The following TEX9 variants were observed in gnomAD, a reference collection of about 807,000 sequenced individuals.
TEX9 encodes testis expressed 9, also known as testis-expressed protein 9.
Under a neutral mutation model 59.6 loss-of-function variants are expected in TEX9, and 74 were observed. The ratio of observed to expected loss-of-function variants is 1.24; its 90% confidence interval spans 1.03 to 1.51. TEX9 has a LOEUF of 1.51. Among genes scored for constraint, TEX9 ranks in the 40% most tolerant of loss-of-function variants. TEX9 has a pLI of 0.00. For synonymous variants in TEX9, 186 were observed against 152.2 expected (o/e 1.22, Z -1.64); for missense variants, 522 against 447.8 (o/e 1.17, Z -1.49).
chr15:56,269,549 T>C (rs1056862962), intron 1 of TEX9, among the ~76,000 whole-genome samples: 5 of 152,208 alleles, frequency 3.3e-5, no homozygotes, highest in African/African-American at 4.8e-5. Context: ...TCAAAGAACA[T>C]CTTTATTTCT....
At chr15:56,447,034 C>T (rs542039508), downstream of TEX9, 24 of 833,770 alleles carry the variant, frequency 2.9e-5, 2 homozygotes, top group South Asian at 3.5e-4. Flanking sequence ...TTTTAATTTA[C>T]TCAAAGAGGG....
chr15:56,394,388 C>G, intron 8 of TEX9, 141 bp downstream of exon 8: 1 of 721,100 alleles, frequency 1.4e-6, no homozygotes, highest in Non-Finnish European at 2.2e-6. Context: ...AAGTACTGAA[C>G]TTTATTCTGA....
chr15:56,365,271 C>T (rs1290924207), upstream of TEX9, among the ~76,000 whole-genome samples: 1 of 152,198 alleles, frequency 6.6e-6, no homozygotes, highest in Non-Finnish European at 1.5e-5. Flanking sequence ...TCCTGGGTTC[C>T]TGGGACAGCG....
intron 1 of TEX9, among the ~76,000 whole-genome samples, chr15:56,275,190 G>A (rs983804427): frequency 2.7e-4 from 41 of 152,202 alleles, no homozygotes; most frequent in Non-Finnish European, 3.8e-4. Flanking sequence ...CTCCCCCAAC[G>A]GTTGGAAGTT....
intron 9 of TEX9, among the ~76,000 whole-genome samples, chr15:56,409,222 C>A (rs551525792): frequency 1.3e-5 from 2 of 152,058 alleles, no homozygotes; most frequent in African/African-American, 2.4e-5. Flanking sequence ...TAAGTCAGAT[C>A]ATCACACACA....
At chr15:56,295,968 A>G (rs2045208182) in intron 1 of TEX9, among the ~76,000 whole-genome samples, 1 of 152,148 alleles carries the variant, frequency 6.6e-6, no homozygotes, top group Non-Finnish European at 1.5e-5. Flanking sequence ...TCCTGGCTTC[A>G]TATTTTCTAC....
At chr15:56,371,616 C>T (rs1235583510) in intron 2 of TEX9, among the ~76,000 whole-genome samples, 3 of 152,036 alleles carry the variant, frequency 2.0e-5, no homozygotes, top group Non-Finnish European at 4.4e-5. Context: ...TTTCTGAAGT[C>T]ATCTTTAGCA....
At chr15:56,428,456 C>T (rs762338723) in exon 12 of TEX9, 9 of 1,590,076 alleles carry the variant, frequency 5.7e-6, no homozygotes, top group East Asian at 2.2e-5. Context: ...TGATCTACTT[C>T]AGTTAGTCTC....
intron 1 of TEX9, among the ~76,000 whole-genome samples, chr15:56,272,930 AT>A (rs1188192443): frequency 4.4e-5 from 5 of 114,732 alleles, no homozygotes; most frequent in African/African-American, 8.8e-5. Flanking sequence ...TTATTTATTT[AT>A]TTATTTATTT....
intron 1 of TEX9, among the ~76,000 whole-genome samples, chr15:56,284,890 T>C (rs1057211780): frequency 3.3e-5 from 5 of 152,348 alleles, no homozygotes; most frequent in Admixed American, 1.3e-4. Flanking sequence ...AATTTTACTG[T>C]GGCAAGAGAG....
Position 56,343,355 on chromosome 15 carries a change from A to G in TEX9, c.-106-30086A>G, listed in dbSNP as rs140169933. Among the ~76,000 whole-genome samples, 18 of 152,212 alleles carry G rather than the reference A, an allele frequency of 1.2e-4. No individual in the cohort carries two copies. In the East Asian group the frequency reaches 3.5e-3, roughly 29 times the overall value. On this transcript the variant is annotated intron_variant, in intron 1 of 5. Transcript: ENST00000560827. ...AACTATAAGAAGAATAGCAAATCAAACCTAAAGAAAGTAGAAGAAAGGTAA... is the reference window on the plus strand; with the variant it reads ...AACTATAAGAAGAATAGCAAATCAAGCCTAAAGAAAGTAGAAGAAAGGTAA...
chr15:56,253,021 T>C (rs1596043498), intron 1 of TEX9, among the ~76,000 whole-genome samples: 1 of 152,106 alleles, frequency 6.6e-6, no homozygotes, highest in Non-Finnish European at 1.5e-5. Flanking sequence ...AATAGATTGA[T>C]GGCAGGGGAT....
intron 9 of TEX9, among the ~76,000 whole-genome samples, chr15:56,406,642 AGAG>A (rs1344329642): frequency 6.6e-6 from 1 of 152,146 alleles, no homozygotes; most frequent in Admixed American, 6.5e-5. Flanking sequence ...TAGCCATTCT[AGAG>A]GAGAAGTAGT....
chr15:56,318,119 A>T (rs180870317), intron 1 of TEX9, among the ~76,000 whole-genome samples: 1 of 152,094 alleles, frequency 6.6e-6, no homozygotes, highest in East Asian at 1.9e-4. Context: ...TTCTCCTTCA[A>T]TTCTCTCAAT....
At chr15:56,294,372 C>T (rs76010480) in intron 1 of TEX9, among the ~76,000 whole-genome samples, 6,679 of 152,264 alleles carry the variant, frequency 0.044, 220 homozygotes, top group Admixed American at 0.087. Context: ...CTTGACTCTT[C>T]TTCCTTCAGA....
At chr15:56,302,173 G>T (rs78119807) in intron 1 of TEX9, among the ~76,000 whole-genome samples, 1 of 152,012 alleles carries the variant, frequency 6.6e-6, no homozygotes, top group Non-Finnish European at 1.5e-5. Context: ...TTTCCAAGCC[G>T]CATGGTAACT....
chr15:56,361,909 G>A (rs1285316318), upstream of TEX9, among the ~76,000 whole-genome samples: 2 of 146,462 alleles, frequency 1.4e-5, no homozygotes, highest in Non-Finnish European at 2.9e-5. Context: ...GCAAAACATA[G>A]TCCTGGTGAT....
At position 56,307,991 on chromosome 15, in the gene TEX9, A is replaced by G. The variant is rs796914561; in HGVS notation, c.-107+63713A>G. Among the ~76,000 whole-genome samples, 27 of 152,322 alleles carry G rather than the reference A, an allele frequency of 1.8e-4. 1 individual carries two copies. Among genetic ancestry groups the G allele is most frequent in the African/African-American group, 6.0e-4 (25 of 41,586 alleles). ...TTATCCATTCAGTAGTTGATGAACA[A>G]TTGAATTGTCTCTACTTTTTAGCTA... On this transcript the variant is annotated intron_variant, in intron 1 of 5. Transcript: ENST00000560827.
At chr15:56,252,442 G>T (rs1254708254) in intron 1 of TEX9, among the ~76,000 whole-genome samples, 2 of 136,594 alleles carry the variant, frequency 1.5e-5, no homozygotes, top group Admixed American at 1.7e-4. Flanking sequence ...AGCAGAATGG[G>T]CTAATAAGAA....
Sources: allele counts gnomAD v4.1 joint callset (sites outside exome capture counted in the v4.1 genomes callset), GRCh38; gene constraint gnomAD v4.1.1; transcripts MANE v1.5; gene names NCBI Gene and HGNC (gene_info 2026-07-23, HGNC 2026-07-21).